ALG13: variants seen among roughly 807,000 people sequenced by gnomAD.
The protein encoded by ALG13 is UDP-N-acetylglucosamine transferase subunit ALG13.
In ALG13, 11 loss-of-function variants were observed where a neutral mutation model predicts 87.8. That is an observed-to-expected ratio of 0.13 (90% CI 0.08 to 0.21). The LOEUF (loss-of-function observed/expected upper bound fraction) is 0.21. ALG13 is among the 10% of genes least tolerant of loss of function. The probability of loss-of-function intolerance (pLI) is 1.00; values close to 1 mark genes in which losing one functional copy is unlikely to be tolerated. For missense variants in ALG13, 756 were observed against 866.1 expected (o/e 0.87, Z 1.60); for synonymous variants, 320 against 306.3 (o/e 1.04, Z -0.47).
chrX:111,750,559 C>A (rs1944628449), intron 24 of ALG13, among the ~76,000 whole-genome samples: 1 of 111,197 alleles, frequency 9.0e-6, no homozygotes, highest in Admixed American at 9.6e-5. Context: ...CTATTGGCAC[C>A]ATTTTTCCAA....
At chrX:111,689,932 C>T (rs1386783185) in intron 3 of ALG13, 13 of 751,837 alleles carry the variant, frequency 1.7e-5, no homozygotes, top group Non-Finnish European at 2.0e-5. Flanking sequence ...TGGCGTATGA[C>T]AACCTTACCT....
chrX:111,735,292 A>T (rs761250636), intron 22 of ALG13, among the ~76,000 whole-genome samples, 170 bp downstream of exon 22: 1 of 112,337 alleles, frequency 8.9e-6, no homozygotes, highest in African/African-American at 3.2e-5. Flanking sequence ...TCAACAAATT[A>T]TTGAGCATCT....
chrX:111,727,143 G>C lies in ALG13; in HGVS notation c.1976+88G>C. 3 of 1,083,801 alleles carry C rather than the reference G, an allele frequency of 2.8e-6. No individual in the cohort carries two copies. In the Admixed American group the frequency reaches 6.9e-5, roughly 25 times the overall value. The allele number at this position is 1,083,801 out of a possible 1,213,427, so 89.3% of individuals were successfully genotyped here. Reference sequence around the variant, plus strand: ...CAAGAAGATAGAATGCCATCAAGATGAGGGTCTCTGTGACATACAGACTGT... The same window carrying C: ...CAAGAAGATAGAATGCCATCAAGATCAGGGTCTCTGTGACATACAGACTGT... On this transcript the variant is annotated intron_variant, in intron 16 of 26. Coordinates refer to ENST00000394780, the MANE Select transcript of ALG13 (RefSeq NM_001099922.3).
At chrX:111,711,121 T>C (rs915297419) in intron 5 of ALG13, 4 of 112,745 alleles carry the variant, frequency 3.5e-5, no homozygotes, top group African/African-American at 1.3e-4. Flanking sequence ...AATTTCATTT[T>C]TATTGAGGCA....
chrX:111,697,197 GGAA>G (rs1258962865), intron 3 of ALG13, among the ~76,000 whole-genome samples: 1 of 111,192 alleles, frequency 9.0e-6, no homozygotes, highest in Non-Finnish European at 1.9e-5. Flanking sequence ...ATCTATGGAG[GGAA>G]GAAGGTGTTT....
chrX:111,687,086 A>G (rs1234675071), intron 3 of ALG13, among the ~76,000 whole-genome samples: 1 of 111,153 alleles, frequency 9.0e-6, no homozygotes, highest in Non-Finnish European at 1.9e-5. Flanking sequence ...CTGGGATTAC[A>G]GGCATGCACC....
chrX:111,726,390 C>T (rs1262418755), intron 15 of ALG13, among the ~76,000 whole-genome samples: 1 of 108,825 alleles, frequency 9.2e-6, no homozygotes, highest in Non-Finnish European at 1.9e-5. Flanking sequence ...CACGTTACCA[C>T]GCCTGGCTAA....
chrX:111,722,709 T>G (rs1941530821), intron 12 of ALG13, 84 bp from the exon 13 acceptor site: 1 of 669,502 alleles, frequency 1.5e-6, no homozygotes, highest in Non-Finnish European at 2.3e-6. Flanking sequence ...TCAAAGGCAC[T>G]ACGGTAAAAG....
intron 23 of ALG13, among the ~76,000 whole-genome samples, chrX:111,744,087 AC>A (rs2148398504): frequency 9.0e-6 from 1 of 111,714 alleles, no homozygotes; most frequent in African/African-American, 3.2e-5. Context: ...AGCTATAGTA[AC>A]AGGTATAGAA....
chrX:111,684,917 C>T (rs1463828381), intron 2 of ALG13, 48 bp from the exon 3 acceptor site: 1 of 1,150,299 alleles, frequency 8.7e-7, no homozygotes, highest in Non-Finnish European at 1.2e-6. Flanking sequence ...TCGTGGGGAC[C>T]TTAACTTATT....
At chrX:111,741,945 A>G (rs1943784450) in intron 23 of ALG13, among the ~76,000 whole-genome samples, 1 of 112,327 alleles carries the variant, frequency 8.9e-6, no homozygotes, top group Non-Finnish European at 1.9e-5. Context: ...TTGTAAGGGA[A>G]AATGTTTGCT....
chrX:111,759,607 C>G (rs1162729119), intron 26 of ALG13, 127 bp from the exon 27 acceptor site: 3 of 511,290 alleles, frequency 5.9e-6, no homozygotes, highest in Non-Finnish European at 9.2e-6. Flanking sequence ...GCTCCTGCTG[C>G]AATTGCTGTG....
At chrX:111,693,899 G>C (rs7888168) in intron 3 of ALG13, among the ~76,000 whole-genome samples, 1 of 110,822 alleles carries the variant, frequency 9.0e-6, no homozygotes, top group East Asian at 2.8e-4. Context: ...TCCCTAGGCT[G>C]AGGCGAACTT....
intron 14 of ALG13, 118 bp from the exon 15 acceptor site, chrX:111,724,816 C>A: frequency 1.3e-6 from 1 of 754,531 alleles, no homozygotes; most frequent in Non-Finnish European, 1.9e-6. Context: ...AACAAGGAAA[C>A]TGGTGTCAAC....
Position 111,708,216 on chromosome X carries a change from T to A in ALG13, c.573T>A (p.Ala191=). 8.3e-7 allele frequency: 1 copy of A among 1,210,399 alleles called. No individual in the cohort carries two copies. Among genetic ancestry groups the A allele is most frequent in the Non-Finnish European group, 1.1e-6 (1 of 894,419 alleles). Reference sequence around the variant, plus strand: ...CCCTGCTTTTTCCCTCTTGCCACGCTTTTTTTCCTCTCCCTCTTACCCCCA... The same window carrying A: ...CCCTGCTTTTTCCCTCTTGCCACGCATTTTTTCCTCTCCCTCTTACCCCCA... ...TCTLLFPSCH[A]FFPLPLTPTL... is the part of the protein sequence containing the mutation. Residue 191 remains alanine (A), a synonymous_variant, in exon 4 of 27, where the codon GCT becomes GCA. Coordinates refer to ENST00000394780, the MANE Select transcript of ALG13 (RefSeq NM_001099922.3).
At chrX:111,752,990 G>A (rs1944894507) in intron 25 of ALG13, 160 bp downstream of exon 25, 1 of 401,159 alleles carries the variant, frequency 2.5e-6, no homozygotes, top group African/African-American at 2.6e-5. Flanking sequence ...TCAGTTGTCT[G>A]CTTTAGCCTC....
intron 8 of ALG13, among the ~76,000 whole-genome samples, chrX:111,717,228 A>G (rs753080764): frequency 1.8e-5 from 2 of 110,428 alleles, no homozygotes; most frequent in East Asian, 2.8e-4. Flanking sequence ...TTGTTTTGGG[A>G]AAAAAAAACC....
At position 111,753,133 on chromosome X, in the gene ALG13, T is replaced by G. The variant is rs1944907410; in HGVS notation, c.2973+303T>G. The G allele has an allele frequency of 1.6e-5, 3 of 182,947 alleles. No individual in the cohort carries two copies. The East Asian group carries it at 3.0e-4, about 18-fold the overall frequency. 15.1% of individuals were successfully genotyped at this position (182,947 alleles called of 1,213,427 possible). On this transcript the variant is annotated intron_variant, in intron 25 of 26. Coordinates refer to ENST00000394780, the MANE Select transcript of ALG13 (RefSeq NM_001099922.3). The stretch of plus-strand genomic sequence containing the variant: ...TACATGCTAACTTTTCACTGTGGTG[T>G]TCTGTCTCAAAATAAATGAATTATC...
intron 3 of ALG13, among the ~76,000 whole-genome samples, chrX:111,706,011 TTACAAG>T (rs1227559728): frequency 8.9e-6 from 1 of 112,944 alleles, no homozygotes; most frequent in African/African-American, 3.2e-5. Context: ...GTGTTTTTCT[TTACAAG>T]TACAATATGC....
Sources: allele counts gnomAD v4.1 joint callset (sites outside exome capture counted in the v4.1 genomes callset), GRCh38; gene constraint gnomAD v4.1.1; transcripts MANE v1.5; gene names NCBI Gene and HGNC (gene_info 2026-07-23, HGNC 2026-07-21).